GRM5: variants seen among roughly 807,000 people sequenced by gnomAD.
The protein encoded by GRM5 is glutamate metabotropic receptor 5, also known as metabotropic glutamate receptor 5.
A neutral mutation model predicts 83.1 loss-of-function variants in GRM5; 19 were observed. That is an observed-to-expected ratio of 0.23 (90% confidence interval 0.16 to 0.34). The LOEUF (loss-of-function observed/expected upper bound fraction) is 0.34, where lower values mean the gene tolerates loss of function less well. GRM5 is among the 10% of genes least tolerant of loss of function. GRM5 has a pLI of 1.00. For synonymous variants in GRM5, 675 were observed against 633.6 expected, an observed-to-expected ratio of 1.07 and a Z score of -0.98; for missense variants, 1,160 against 1,588.3, an observed-to-expected ratio of 0.73 and a Z score of 4.58.
chr11:88,695,993 T>G (rs1424736060), intron 3 of GRM5, among the ~76,000 whole-genome samples: 1 of 152,190 alleles, frequency 6.6e-6, no homozygotes, highest in Non-Finnish European at 1.5e-5. Context: ...ACCCTCTGCC[T>G]TACCACAAAG....
chr11:89,056,893 A>G (rs1001274553), intron 1 of GRM5, among the ~76,000 whole-genome samples: 2 of 152,158 alleles, frequency 1.3e-5, no homozygotes, highest in African/African-American at 4.8e-5. Flanking sequence ...ATTATAGAAA[A>G]CAATAGACAT....
chr11:88,585,507 G>T (rs1482817623), intron 7 of GRM5, among the ~76,000 whole-genome samples: 2 of 152,090 alleles, frequency 1.3e-5, no homozygotes, highest in Non-Finnish European at 2.9e-5. Flanking sequence ...CCAAAAGGTG[G>T]CCTTTGCTTT....
At chr11:88,941,394 AAGAGGAGAAGAG>A (rs1444161550) in intron 2 of GRM5, among the ~76,000 whole-genome samples, 526 of 42,398 alleles carry the variant, frequency 0.012, 3 homozygotes, top group South Asian at 0.11. Flanking sequence ...AGAGAAAGAG[AAGAGGAGAAGAG>A]AAGAGGGGAG....
At chr11:88,700,382 C>A (rs554182601) in intron 3 of GRM5, among the ~76,000 whole-genome samples, 1 of 152,042 alleles carries the variant, frequency 6.6e-6, no homozygotes, top group African/African-American at 2.4e-5. Flanking sequence ...ATACATGGAT[C>A]TGAAAGCATG....
At chr11:88,770,354 G>T (rs959925603) in intron 3 of GRM5, among the ~76,000 whole-genome samples, 3 of 151,994 alleles carry the variant, frequency 2.0e-5, no homozygotes, top group Non-Finnish European at 4.4e-5. Flanking sequence ...AAATAATTAT[G>T]TATTGATATT....
At chr11:88,741,112 A>T (rs1425858805) in intron 3 of GRM5, among the ~76,000 whole-genome samples, 1 of 152,088 alleles carries the variant, frequency 6.6e-6, no homozygotes, top group Non-Finnish European at 1.5e-5. Flanking sequence ...CGGCAACCAC[A>T]GCTTAAGAGG....
At chr11:88,929,169 G>C (rs1236788508) in intron 2 of GRM5, among the ~76,000 whole-genome samples, 1 of 151,894 alleles carries the variant, frequency 6.6e-6, no homozygotes, top group Non-Finnish European at 1.5e-5. Context: ...TAGGTCCTTG[G>C]TTCTGGCTTA....
intron 7 of GRM5, among the ~76,000 whole-genome samples, chr11:88,578,404 A>G (rs1449879731): frequency 2.0e-5 from 3 of 152,174 alleles, no homozygotes; most frequent in African/African-American, 4.8e-5. Context: ...TTGACCAAAA[A>G]CTGAAATCAA....
chr11:88,640,734 A>C (rs1246320186), intron 4 of GRM5, among the ~76,000 whole-genome samples: 2 of 152,184 alleles, frequency 1.3e-5, no homozygotes, highest in Non-Finnish European at 2.9e-5. Flanking sequence ...AGTTCATTAT[A>C]AAAGATATTA....
intron 2 of GRM5, among the ~76,000 whole-genome samples, chr11:88,861,495 C>T (rs1461854451): frequency 1.3e-5 from 2 of 151,968 alleles, no homozygotes; most frequent in Non-Finnish European, 2.9e-5. Flanking sequence ...GACAAGGTTT[C>T]ACCCCTGTCA....
chr11:88,802,189 G>T (rs1590868315), intron 3 of GRM5, among the ~76,000 whole-genome samples: 1 of 152,074 alleles, frequency 6.6e-6, no homozygotes, highest in Non-Finnish European at 1.5e-5. Flanking sequence ...AAAGAACTAA[G>T]AAAAACACTT....
intron 1 of GRM5, among the ~76,000 whole-genome samples, chr11:89,054,207 T>C (rs531768695): frequency 3.7e-4 from 57 of 152,100 alleles, no homozygotes; most frequent in African/African-American, 1.2e-3. Flanking sequence ...TAAGTACAAG[T>C]GGTGAGAACT....
intron 3 of GRM5, among the ~76,000 whole-genome samples, chr11:88,783,362 T>C (rs551116339): frequency 2.6e-4 from 40 of 152,242 alleles, no homozygotes; most frequent in African/African-American, 9.4e-4. Flanking sequence ...ATTGAACTTC[T>C]GTGAAATAAT....
intron 2 of GRM5, among the ~76,000 whole-genome samples, chr11:88,969,481 C>G (rs1424639402): frequency 6.6e-6 from 1 of 152,152 alleles, no homozygotes; most frequent in African/African-American, 2.4e-5. Flanking sequence ...TTTACTGAAA[C>G]CAATCAGTGA....
chr11:88,847,427 T>C (rs1944318049), intron 3 of GRM5, among the ~76,000 whole-genome samples: 1 of 152,210 alleles, frequency 6.6e-6, no homozygotes, highest in South Asian at 2.1e-4. Context: ...AAGTATTTGA[T>C]AAATGGTCCT....
chr11:88,825,282 T>C lies in GRM5; in HGVS notation c.911+24624A>G, dbSNP rs76435916. On this transcript the variant is annotated intron_variant, in intron 3 of 9. Coordinates refer to ENST00000305447, the MANE Select transcript of GRM5 (RefSeq NM_001143831.3). ...ATTTTCTTAAGTACTGCTGAATTTT[T>C]TCTTTGTTGATGTATATTGTTTTTG... Among the ~76,000 whole-genome samples, 11 of 152,304 alleles carry C rather than the reference T, an allele frequency of 7.2e-5. No homozygotes were observed. The East Asian group carries it at 1.9e-3, about 27-fold the overall frequency.
chr11:88,529,188 G>A (rs1051835696), intron 8 of GRM5, among the ~76,000 whole-genome samples: 4 of 151,828 alleles, frequency 2.6e-5, no homozygotes, highest in Admixed American at 2.6e-4. Flanking sequence ...TTACTGAATA[G>A]TCCATGTGCT....
chr11:88,920,011 G>A (rs1219842369), intron 2 of GRM5, among the ~76,000 whole-genome samples: 1 of 151,590 alleles, frequency 6.6e-6, no homozygotes, highest in Non-Finnish European at 1.5e-5. Flanking sequence ...TAAGGGCAAG[G>A]CACACTCAAA....
chr11:88,836,223 A>T (rs1231359798), intron 3 of GRM5, among the ~76,000 whole-genome samples: 1 of 152,224 alleles, frequency 6.6e-6, no homozygotes, highest in Non-Finnish European at 1.5e-5. Flanking sequence ...GGGACATATG[A>T]CTTCTATTAA....
Sources: allele counts gnomAD v4.1 joint callset (sites outside exome capture counted in the v4.1 genomes callset), GRCh38; gene constraint gnomAD v4.1.1; transcripts MANE v1.5; gene names NCBI Gene and HGNC (gene_info 2026-07-23, HGNC 2026-07-21).